The following TRMU variants were observed in gnomAD, a reference collection of about 807,000 sequenced individuals.
TRMU encodes tRNA mitochondrial 2-thiouridylase, also known as mitochondrial tRNA-specific 2-thiouridylase 1.
A neutral mutation model predicts 46.9 loss-of-function variants in TRMU; 49 were observed. The ratio of observed to expected loss-of-function variants is 1.05; its 90% confidence interval spans 0.83 to 1.33. TRMU has a LOEUF of 1.33. Ranked by LOEUF, TRMU falls within the 40% of genes most tolerant of loss-of-function variation. The probability of loss-of-function intolerance (pLI) is 0.00; values close to 1 mark genes in which losing one functional copy is unlikely to be tolerated. For missense variants in TRMU, 572 were observed against 532.4 expected, an observed-to-expected ratio of 1.07 and a Z score of -0.73; for synonymous variants, 241 against 200.9, an observed-to-expected ratio of 1.20 and a Z score of -1.69.
chr22:46,350,389 G>A lies in TRMU; in HGVS notation c.577G>A (p.Gly193Arg). The A allele has an allele frequency of 6.2e-7, 1 of 1,614,180 alleles. No individual in the cohort carries two copies. Reference protein sequence around the residue: ...DALRRTIFPLGGLTKEFVKKI... With the variant: ...DALRRTIFPLRGLTKEFVKKI... ...CCTGAGGAGAACCATCTTCCCTCTG[G>A]GGGGATTAACGAAAGAGTTTGTAAA... Residue 193 changes from glycine (G) to arginine (R), a missense_variant, in exon 5 of 11, where the codon GGG becomes AGG. Gly to Arg is a moderately radical substitution (Grantham distance 125, BLOSUM62 -2). Transcript: ENST00000645190. The surrounding 1 kb of genome is among the most constrained non-coding windows in gnomAD (Gnocchi z 4.6).
At position 46,342,898 on chromosome 22, in the gene TRMU, T is replaced by A. The variant is rs934841553; in HGVS notation, c.249-364T>A. On this transcript the variant is annotated intron_variant, in intron 2 of 10. Transcript: ENST00000645190. The surrounding 1 kb of genome is among the most constrained non-coding windows in gnomAD (Gnocchi z 4.7). Reference sequence around the variant, plus strand: ...TGCAAGGGAAGTCTAAAGGATTTCATTTCCACTGTCACTCAGGCATCTTCT... The same window carrying A: ...TGCAAGGGAAGTCTAAAGGATTTCAATTCCACTGTCACTCAGGCATCTTCT... Among the ~76,000 whole-genome samples the A allele has an allele frequency of 1.3e-5, 2 of 152,268 alleles. No homozygotes were observed. The highest frequency in any genetic ancestry group is 4.8e-5 in the African/African-American group (2 of 41,476).
intron 3 of TRMU, 21 bp downstream of exon 3, chr22:46,343,389 A>T: frequency 6.3e-7 from 1 of 1,592,510 alleles, no homozygotes. Context: ...TGGGTTTAAA[A>T]CATTTTTTTT....
chr22:46,337,926 ATTGGAATGATGTGT>A lies in TRMU; in HGVS notation c.232_245del (p.Trp78GlnfsTer2). On this transcript the variant is annotated frameshift_variant, in exon 2 of 11. Coordinates refer to ENST00000645190, the MANE Select transcript of TRMU (RefSeq NM_018006.5). LOFTEE classifies it high-confidence loss of function. ...CATCAAGTGTCCTACGTAAAGGAGT[ATTGGAATGATGTGT>A]TCAGGTGAGTGCGGGTCACAGCACA... 6.2e-7 allele frequency: 1 copy of A among 1,614,198 alleles called. No individual in the cohort carries two copies. The highest frequency in any genetic ancestry group is 8.5e-7 in the Non-Finnish European group (1 of 1,180,024).
chr22:46,353,926 T>C, intron 8 of TRMU, 59 bp downstream of exon 8: 4 of 1,545,918 alleles, frequency 2.6e-6, no homozygotes, highest in Non-Finnish European at 2.7e-6. Flanking sequence ...CCAGCAGTGC[T>C]TCCAGACCAG....
In TRMU at chr22:46,352,108, C is replaced by T; in HGVS notation, c.652-13C>T. On this transcript the variant is annotated splice_polypyrimidine_tract_variant and intron_variant, in intron 5 of 10. Transcript: ENST00000645190. ...CTTCTGCTCCTCTCACGGCTGCCGT[C>T]TTCTCATTTCAGAGCATGGGCATGT... The T allele has an allele frequency of 6.2e-7, 1 of 1,612,712 alleles. No individual in the cohort carries two copies. The highest frequency in any genetic ancestry group is 2.2e-5 in the East Asian group (1 of 44,880).
In TRMU at chr22:46,357,260, G is replaced by T. The variant is rs1388575164; in HGVS notation, c.*254G>T. The T allele has an allele frequency of 3.4e-6, 2 of 583,706 alleles. No homozygotes were observed. Among genetic ancestry groups the T allele is most frequent in the Non-Finnish European group, 6.1e-6 (2 of 328,688 alleles). 36.2% of individuals were successfully genotyped at this position (583,706 alleles called of 1,614,324 possible). ...TTCCCCTTCACCGCCCCCAGGGAGG[G>T]TTTCCCACCTCAGAGTACACCGAGG... On this transcript the variant is annotated 3_prime_UTR_variant, in exon 11 of 11. Transcript: ENST00000645190.
At chr22:46,354,200 G>A (rs1236370033) in intron 8 of TRMU, 1 of 347,594 alleles carries the variant, frequency 2.9e-6, no homozygotes, top group Non-Finnish European at 5.7e-6. Flanking sequence ...TCAGTGCCAA[G>A]GATGGTGCCC....
chr22:46,341,470 A>G (rs893770345), intron 2 of TRMU, among the ~76,000 whole-genome samples: 10 of 152,320 alleles, frequency 6.6e-5, no homozygotes, highest in East Asian at 3.9e-4. Context: ...GAAGTAGGAA[A>G]ACAGTTTGGT....
intron 10 of TRMU, chr22:46,356,337 G>A (rs931590223): frequency 2.5e-5 from 13 of 525,674 alleles, no homozygotes; most frequent in South Asian, 2.0e-4. Context: ...CCCCAGAAGC[G>A]AGGACAGAAA....
chr22:46,352,430 G>A, intron 7 of TRMU, 100 bp downstream of exon 7: 1 of 1,446,990 alleles, frequency 6.9e-7, no homozygotes, highest in Non-Finnish European at 9.7e-7. Flanking sequence ...CCTTCCACTT[G>A]GCTGGAGAAT....
Position 46,336,864 on chromosome 22 carries a change from A to C in TRMU, c.83-915A>C, listed in dbSNP as rs1224472028. ...AGAAGAGTAGGATGTCACTAAGCAG[A>C]GACTTGGAGGTGGAGGCGGCCCTCC... On this transcript the variant is annotated intron_variant, in intron 1 of 10. Coordinates refer to ENST00000645190, the MANE Select transcript of TRMU (RefSeq NM_018006.5). This position sits in a 1 kb window ranked among gnomAD's most constrained non-coding sequence, Gnocchi z 4.1. Among the ~76,000 whole-genome samples, 4 of 152,132 alleles carry C rather than the reference A, an allele frequency of 2.6e-5. No homozygotes were observed. The highest frequency in any genetic ancestry group is 9.7e-5 in the African/African-American group (4 of 41,422).
In TRMU at chr22:46,350,861, C is replaced by G. The variant is rs931810800; in HGVS notation, c.651+398C>G. ...CTCATGTGCCCTGTCACCCGCTTGC[C>G]CGGCACAGACTCGTTCGGTGCCATC... On this transcript the variant is annotated intron_variant, in intron 5 of 10. Transcript: ENST00000645190. The surrounding 1 kb of genome is among the most constrained non-coding windows in gnomAD (Gnocchi z 4.6). Among the ~76,000 whole-genome samples, 1 of 152,226 alleles carries G rather than the reference C, an allele frequency of 6.6e-6. No individual in the cohort carries two copies. The highest frequency in any genetic ancestry group is 1.5e-5 in the Non-Finnish European group (1 of 68,036).
intron 9 of TRMU, 34 bp from the exon 10 acceptor site, chr22:46,355,956 G>T (rs2078592198): frequency 1.2e-6 from 2 of 1,611,656 alleles, no homozygotes; most frequent in Middle Eastern, 1.7e-4. Flanking sequence ...GGAAAGGCCT[G>T]TGCCCCCTCC....
In TRMU at chr22:46,336,483, C is replaced by T. The variant is rs73177074; in HGVS notation, c.82+637C>T. Reference sequence around the variant, plus strand: ...TTAACTTCACCTGTGTGGCTCCCCGCGGGAGGCCTCATTCACAGAGTCACG... The same window carrying T: ...TTAACTTCACCTGTGTGGCTCCCCGTGGGAGGCCTCATTCACAGAGTCACG... On this transcript the variant is annotated intron_variant, in intron 1 of 10. Transcript: ENST00000645190. This position sits in a 1 kb window ranked among gnomAD's most constrained non-coding sequence, Gnocchi z 4.1. 0.032 allele frequency: 4,913 copies of T among 152,356 alleles called. 144 individuals carry two copies. Among genetic ancestry groups the T allele is most frequent in the South Asian group, 0.14 (692 of 4,832 alleles). 9.4% of individuals were successfully genotyped at this position (152,356 alleles called of 1,614,324 possible).
Position 46,349,015 on chromosome 22 carries a change from T to C in TRMU, c.479-1276T>C, listed in dbSNP as rs1350609331. Among the ~76,000 whole-genome samples the C allele has an allele frequency of 6.6e-6, 1 of 151,932 alleles. No individual in the cohort carries two copies. The highest frequency in any genetic ancestry group is 1.9e-4 in the East Asian group (1 of 5,178). On this transcript the variant is annotated intron_variant, in intron 4 of 10. Coordinates refer to ENST00000645190, the MANE Select transcript of TRMU (RefSeq NM_018006.5). This position sits in a 1 kb window ranked among gnomAD's most constrained non-coding sequence, Gnocchi z 4.6. ...TTAGCCGAGTATGGTGGCACATGCC[T>C]GTAGTCCCAGGTACTCTGGAGGCTG...
At chr22:46,355,748 C>T (rs2078584242) in intron 9 of TRMU, 160 bp downstream of exon 9, 5 of 1,316,256 alleles carry the variant, frequency 3.8e-6, no homozygotes, top group Non-Finnish European at 5.3e-6. Context: ...CCTGTGCCTG[C>T]CCTGAGCGAG....
intron 2 of TRMU, 39 bp downstream of exon 2, chr22:46,337,983 C>T (rs1555895127): frequency 2.5e-6 from 4 of 1,613,264 alleles, no homozygotes; most frequent in Non-Finnish European, 3.4e-6. Flanking sequence ...CTTCCTCACA[C>T]TGTGGATCCT....
Position 46,357,044 on chromosome 22 carries a change from A to T in TRMU, c.*38A>T, listed in dbSNP as rs1173708436. ...TGCTAGAAGGAACCTGGAGAGCAGGACCCATGGCTGGGCGGCTGGTGAGCA... is the reference window on the plus strand; with the variant it reads ...TGCTAGAAGGAACCTGGAGAGCAGGTCCCATGGCTGGGCGGCTGGTGAGCA... On this transcript the variant is annotated 3_prime_UTR_variant, in exon 11 of 11. Transcript: ENST00000645190. 2.5e-6 allele frequency: 4 copies of T among 1,612,160 alleles called. No individual in the cohort carries two copies. The highest frequency in any genetic ancestry group is 3.4e-6 in the Non-Finnish European group (4 of 1,179,494).
chr22:46,347,000 T>C (rs1213844020), intron 4 of TRMU, among the ~76,000 whole-genome samples: 1 of 152,272 alleles, frequency 6.6e-6, no homozygotes, highest in Non-Finnish European at 1.5e-5. Context: ...GCAGTCAGGC[T>C]TTGTAGCCGT....
Sources: allele counts gnomAD v4.1 joint callset (sites outside exome capture counted in the v4.1 genomes callset), GRCh38; gene constraint gnomAD v4.1.1; non-coding constraint Gnocchi (gnomAD v3.1); transcripts MANE v1.5; gene names NCBI Gene and HGNC (gene_info 2026-07-23, HGNC 2026-07-21).